The following VSX2 variants were observed in gnomAD, a reference collection of about 807,000 sequenced individuals.
The protein encoded by VSX2 is ceh-10 homeo domain containing homolog.
In VSX2, 28 loss-of-function variants were observed where a neutral mutation model predicts 32.1. The ratio of observed to expected loss-of-function variants is 0.87; its 90% CI spans 0.65 to 1.20. The LOEUF is 1.20. Ranked by LOEUF, VSX2 falls within the 50% of genes most tolerant of loss-of-function variation. The probability of loss-of-function intolerance (pLI) is 0.00; values close to 1 mark genes in which losing one functional copy is unlikely to be tolerated. For missense variants in VSX2, 506 were observed against 488.7 expected, an observed-to-expected ratio of 1.04 and a Z score of -0.33; for synonymous variants, 243 against 214.1, an observed-to-expected ratio of 1.14 and a Z score of -1.18.
chr14:74,250,664 A>C (rs890211636), intron 3 of VSX2, among the ~76,000 whole-genome samples: 1 of 151,958 alleles, frequency 6.6e-6, no homozygotes, highest in Non-Finnish European at 1.5e-5. Context: ...GGGTTTGTAC[A>C]GATCTCATCT....
chr14:74,251,725 A>G (rs1276281877), intron 3 of VSX2, among the ~76,000 whole-genome samples: 2 of 152,158 alleles, frequency 1.3e-5, no homozygotes, highest in Non-Finnish European at 2.9e-5. Flanking sequence ...CTAGTGGGTA[A>G]CAGAGGCTGC....
rs913314442 is a variant in VSX2 at position 74,257,951 on chromosome 14, A to G, written c.580-1651A>G. ...TTTTTAATGTGCTAACGACCTAATC[A>G]AGCAATCAAGTCGGAGGAGATTGCA... is the stretch of plus-strand genomic sequence containing the variant. On this transcript the variant is annotated intron_variant, in intron 3 of 4. Transcript: ENST00000261980. Among the ~76,000 whole-genome samples, 11 of 152,176 alleles carry G rather than the reference A, an allele frequency of 7.2e-5. No homozygotes were observed. The South Asian group carries it at 2.3e-3, about 32-fold the overall frequency.
rs929081926 is a variant in VSX2, at chr14:74,239,765, C to G, written c.204C>G (p.Leu68=). 86 of 1,554,094 alleles carry G rather than the reference C, an allele frequency of 5.5e-5. No homozygotes were observed. Among genetic ancestry groups the G allele is most frequent in the Non-Finnish European group, 7.3e-5 (84 of 1,149,814 alleles). The change falls in exon 1 of 5, where the codon CTC becomes CTG. Residue 68 remains leucine (L), a synonymous_variant. Transcript: ENST00000261980. ...ACTTGCTGGCGGCGCGCTCAGTGCT[C>G]AGCCCCGCGGGGGTGGGCGGCATGG... The part of the protein sequence containing the change: ...PGHLLAARSV[L]SPAGVGGMGL...
chr14:74,251,069 C>G (rs192577089), intron 3 of VSX2, among the ~76,000 whole-genome samples: 3 of 151,454 alleles, frequency 2.0e-5, no homozygotes, highest in African/African-American at 7.3e-5. Context: ...AATCCCAGCA[C>G]TTTGGGAGGC....
chr14:74,245,152 T>C lies in VSX2; in HGVS notation c.456-13T>C. 1 of 1,613,622 alleles carries C rather than the reference T, an allele frequency of 6.2e-7. No homozygotes were observed. The highest frequency in any genetic ancestry group is 1.1e-5 in the South Asian group (1 of 91,036). On this transcript the variant is annotated splice_polypyrimidine_tract_variant and intron_variant, in intron 2 of 4. Coordinates refer to ENST00000261980, the MANE Select transcript of VSX2 (RefSeq NM_182894.3). ...TTTCTGGGGTCCTGAGTGTTCGGTC[T>C]TGCTCCCCTCAGGACAATCTTTACC...
intron 3 of VSX2, among the ~76,000 whole-genome samples, chr14:74,257,366 T>C (rs1197719160): frequency 6.6e-6 from 1 of 152,170 alleles, no homozygotes; most frequent in Non-Finnish European, 1.5e-5. Flanking sequence ...CCCCCAGTTT[T>C]GCGCGGGAAC....
At chr14:74,257,751 C>A (rs1056385879) in intron 3 of VSX2, among the ~76,000 whole-genome samples, 1 of 152,022 alleles carries the variant, frequency 6.6e-6, no homozygotes. Context: ...CCCCAGCTCC[C>A]GCTCCCCAGG....
At chr14:74,251,003 G>T (rs1035835036) in intron 3 of VSX2, among the ~76,000 whole-genome samples, 1 of 149,670 alleles carries the variant, frequency 6.7e-6, no homozygotes, top group African/African-American at 2.4e-5. Flanking sequence ...CAGCAATTCC[G>T]ATTTAATTGG....
intron 2 of VSX2, among the ~76,000 whole-genome samples, chr14:74,243,770 A>C (rs945790535): frequency 3.9e-5 from 6 of 152,106 alleles, no homozygotes; most frequent in Admixed American, 3.9e-4. Context: ...CAAAGAGCAC[A>C]ATCTTTCTTC....
intron 3 of VSX2, among the ~76,000 whole-genome samples, chr14:74,255,654 G>C (rs2079258264): frequency 6.6e-6 from 1 of 152,166 alleles, no homozygotes; most frequent in South Asian, 2.1e-4. Flanking sequence ...CCCTAAAAAT[G>C]CTGTTTCCAT....
At position 74,245,184 on chromosome 14, in the gene VSX2, C is replaced by A. The variant is rs757655338; in HGVS notation, c.475C>A (p.Gln159Lys). The part of the protein sequence containing the change: ...RRHRTIFTSY[Q>K]LEELEKAFNE... ...CCTCAGGACAATCTTTACCTCCTAC[C>A]AGCTAGAGGAGCTGGAGAAGGCATT... Residue 159 changes from glutamine to lysine, a missense_variant, in exon 3 of 5, where the codon CAG becomes AAG. By Grantham distance (53) the Gln-to-Lys change is moderately conservative. Transcript: ENST00000261980. The A allele has an allele frequency of 2.5e-6, 4 of 1,613,678 alleles. No individual in the cohort carries two copies. The East Asian group carries it at 6.7e-5, about 27-fold the overall frequency.
rs150473490 is a variant in VSX2 at position 74,252,115 on chromosome 14, G to T, written c.579+6827G>T. ...CATGTTTTCTGGTGGCGATGCCAGGGCGGGAGCTTGCAGGACAGCAGCTAT... is the reference window on the plus strand; with the variant it reads ...CATGTTTTCTGGTGGCGATGCCAGGTCGGGAGCTTGCAGGACAGCAGCTAT... On this transcript the variant is annotated intron_variant, in intron 3 of 4. Coordinates refer to ENST00000261980, the MANE Select transcript of VSX2 (RefSeq NM_182894.3). 5.5e-3 allele frequency among the ~76,000 whole-genome samples: 840 copies of T among 152,360 alleles called. 10 individuals carry two copies. Among genetic ancestry groups the T allele is most frequent in the Non-Finnish European group, 7.0e-3 (473 of 68,026 alleles).
Position 74,245,222 on chromosome 14 carries a change from C to T in VSX2, c.513C>T (p.His171=), listed in dbSNP as rs1426781359. The change falls in exon 3 of 5, where the codon CAC becomes CAT. Residue 171 remains histidine (H), a synonymous_variant. Transcript: ENST00000261980. The part of the protein sequence containing the change: ...EELEKAFNEA[H]YPDVYAREML... ...TGGAGAAGGCATTCAACGAAGCCCA[C>T]TACCCAGACGTCTATGCCCGGGAGA... 1 of 1,613,666 alleles carries T rather than the reference C, an allele frequency of 6.2e-7. No homozygotes were observed. Among genetic ancestry groups the T allele is most frequent in the African/African-American group, 1.3e-5 (1 of 74,782 alleles).
chr14:74,241,525 T>A (rs1326982681), intron 2 of VSX2, among the ~76,000 whole-genome samples: 2 of 152,130 alleles, frequency 1.3e-5, no homozygotes, highest in East Asian at 1.9e-4. Context: ...AAGGAAAGGC[T>A]CCAACACAGG....
At chr14:74,245,074 C>G (rs1373492361) in intron 2 of VSX2, 91 bp from the exon 3 acceptor site, 1 of 1,579,232 alleles carries the variant, frequency 6.3e-7, no homozygotes, top group Non-Finnish European at 8.6e-7. Context: ...CGGGGCCTGC[C>G]CAGGAGACAC....
chr14:74,250,762 C>A (rs2079223117), intron 3 of VSX2, among the ~76,000 whole-genome samples: 1 of 151,660 alleles, frequency 6.6e-6, no homozygotes, highest in South Asian at 2.1e-4. Flanking sequence ...AATTCTCCTG[C>A]CTCAGCCTCC....
rs934083636 is a variant in VSX2 at position 74,262,611 on chromosome 14, G to A, written c.*1692G>A. ...TGTGTAAATAATGTACATAGAGTGAGAAGAAAGAAACTTGATATTGAGGTG... is the reference window on the plus strand; with the variant it reads ...TGTGTAAATAATGTACATAGAGTGAAAAGAAAGAAACTTGATATTGAGGTG... On this transcript the variant is annotated 3_prime_UTR_variant, in exon 5 of 5. Coordinates refer to ENST00000261980, the MANE Select transcript of VSX2 (RefSeq NM_182894.3). 1.9e-4 allele frequency: 29 copies of A among 152,332 alleles called. No homozygotes were observed. Among genetic ancestry groups the A allele is most frequent in the African/African-American group, 7.0e-4 (29 of 41,570 alleles). 9.4% of individuals were successfully genotyped at this position (152,332 alleles called of 1,614,324 possible). A position where few individuals can be genotyped will look rare whatever the true frequency, so the allele number is the denominator to read the frequency against.
chr14:74,255,299 T>C (rs1354176940), intron 3 of VSX2, among the ~76,000 whole-genome samples: 1 of 152,220 alleles, frequency 6.6e-6, no homozygotes, highest in African/African-American at 2.4e-5. Context: ...GGGTTAATTC[T>C]AATTCCTTGT....
chr14:74,240,482 T>A (rs879558060), intron 1 of VSX2, among the ~76,000 whole-genome samples: 6 of 152,088 alleles, frequency 3.9e-5, no homozygotes, highest in Non-Finnish European at 8.8e-5. Context: ...CTCTCCCACG[T>A]AAGCGCCACT....
Sources: allele counts gnomAD v4.1 joint callset (sites outside exome capture counted in the v4.1 genomes callset), GRCh38; gene constraint gnomAD v4.1.1; transcripts MANE v1.5; gene names NCBI Gene and HGNC (gene_info 2026-07-23, HGNC 2026-07-21).